CTNND2: variants seen among roughly 807,000 people sequenced by gnomAD.
CTNND2 encodes catenin delta 2.
A neutral mutation model predicts 144.4 loss-of-function variants in CTNND2; 22 were observed. The ratio of observed to expected loss-of-function variants is 0.15; its 90% confidence interval spans 0.11 to 0.22. The LOEUF is 0.22. Among genes scored for constraint, CTNND2 ranks in the 10% least tolerant of loss-of-function variants. The pLI is 1.00. For missense variants in CTNND2, 1,353 were observed against 1,618.8 expected (o/e 0.84, Z 2.82); for synonymous variants, 751 against 695.6 (o/e 1.08, Z -1.25).
At chr5:11,478,588 C>G (rs1006146149) in intron 3 of CTNND2, among the ~76,000 whole-genome samples, 6 of 152,198 alleles carry the variant, frequency 3.9e-5, no homozygotes, top group African/African-American at 1.4e-4. Context: ...CTTTTAAGAT[C>G]TTCTTCAATC....
chr5:11,368,778 A>T (rs1429663252), intron 7 of CTNND2, among the ~76,000 whole-genome samples: 4 of 152,216 alleles, frequency 2.6e-5, no homozygotes, highest in Non-Finnish European at 4.4e-5. Flanking sequence ...GTCTCTAACC[A>T]GTTGGATAAA....
At chr5:11,543,904 C>T (rs1407758197) in intron 3 of CTNND2, among the ~76,000 whole-genome samples, 2 of 152,134 alleles carry the variant, frequency 1.3e-5, no homozygotes, top group East Asian at 3.9e-4. Context: ...GAAGACCATA[C>T]CTTAAACTCT....
intron 12 of CTNND2, among the ~76,000 whole-genome samples, chr5:11,129,176 T>TA (rs376665965): frequency 0.41 from 9,964 of 24,064 alleles, 2,733 homozygotes; most frequent in East Asian, 0.72. Context: ...ATATTATATA[T>TA]TTTATATATA....
intron 1 of CTNND2, among the ~76,000 whole-genome samples, chr5:11,805,811 AG>A (rs1422563962): frequency 4.6e-5 from 7 of 152,180 alleles, no homozygotes; most frequent in Non-Finnish European, 1.5e-5. Flanking sequence ...TCCATACTCA[AG>A]TGGATACTGT....
chr5:11,423,927 TA>T (rs1371129961), intron 3 of CTNND2, among the ~76,000 whole-genome samples: 1 of 152,182 alleles, frequency 6.6e-6, no homozygotes, highest in East Asian at 1.9e-4. Context: ...AGAAGATTTG[TA>T]AAAAATAAGT....
chr5:11,206,233 A>G (rs1050990026), intron 10 of CTNND2, among the ~76,000 whole-genome samples: 1 of 152,198 alleles, frequency 6.6e-6, no homozygotes, highest in African/African-American at 2.4e-5. Context: ...TCTCTTGCTA[A>G]CTGTGAGACG....
At chr5:11,657,570 G>A (rs1344304058) in intron 2 of CTNND2, among the ~76,000 whole-genome samples, 1 of 151,862 alleles carries the variant, frequency 6.6e-6, no homozygotes, top group Non-Finnish European at 1.5e-5. Context: ...TTTATGAGTT[G>A]GCAAAGATTT....
At chr5:11,273,256 T>C (rs968939158) in intron 9 of CTNND2, among the ~76,000 whole-genome samples, 1 of 152,212 alleles carries the variant, frequency 6.6e-6, no homozygotes, top group Non-Finnish European at 1.5e-5. Flanking sequence ...ATAATTGTTA[T>C]AATTATTATT....
intron 1 of CTNND2, among the ~76,000 whole-genome samples, chr5:11,737,117 C>CT (rs1787725714): frequency 6.6e-6 from 1 of 152,154 alleles, no homozygotes; most frequent in Admixed American, 6.5e-5. Flanking sequence ...AATAAGGAAT[C>CT]TGTGTATTTT....
intron 15 of CTNND2, among the ~76,000 whole-genome samples, chr5:11,094,511 C>T (rs1269515574): frequency 9.9e-5 from 14 of 140,822 alleles, no homozygotes; most frequent in African/African-American, 3.7e-4. Flanking sequence ...GATGGAGTCT[C>T]ACTCTGTCAC....
Position 11,385,230 on chromosome 5 carries a change from C to T in CTNND2, c.613-1G>A. On this transcript the variant is annotated splice_acceptor_variant, in intron 6 of 21. Coordinates refer to ENST00000304623, the MANE Select transcript of CTNND2 (RefSeq NM_001332.4). LOFTEE classifies it high-confidence loss of function. ...GGTGGCCGGCGCGGCTGGTCGTGCC[C>T]TGTGCCCGGGAGAGGAGAGAACACG... 1 of 1,058,040 alleles carries T rather than the reference C, an allele frequency of 9.5e-7. No individual in the cohort carries two copies. Among genetic ancestry groups the T allele is most frequent in the Non-Finnish European group, 1.1e-6 (1 of 877,916 alleles). The allele number at this position is 1,058,040 out of a possible 1,614,324, so 65.5% of individuals were successfully genotyped here.
intron 20 of CTNND2, among the ~76,000 whole-genome samples, chr5:10,984,669 T>C (rs1314950485): frequency 2.0e-5 from 3 of 152,000 alleles, no homozygotes; most frequent in Non-Finnish European, 2.9e-5. Flanking sequence ...TCTGCCCTCA[T>C]ATGACCGAGC....
chr5:11,142,225 A>G (rs1267113009), intron 12 of CTNND2, among the ~76,000 whole-genome samples: 1 of 152,252 alleles, frequency 6.6e-6, no homozygotes, highest in Non-Finnish European at 1.5e-5. Flanking sequence ...AAAAGGAGAC[A>G]GAAGGACTAA....
chr5:11,151,082 C>T (rs1757720700), intron 12 of CTNND2, among the ~76,000 whole-genome samples: 1 of 152,222 alleles, frequency 6.6e-6, no homozygotes. Context: ...GCTGTACTAA[C>T]TCACGGGTTG....
Position 11,904,212 on chromosome 5 carries a change from G to A in CTNND2, c.-359C>T, listed in dbSNP as rs1231605718. Among the ~76,000 whole-genome samples, 1 of 145,160 alleles carries A rather than the reference G, an allele frequency of 6.9e-6. No individual in the cohort carries two copies. The highest frequency in any genetic ancestry group is 6.8e-5 in the Admixed American group (1 of 14,682). On this transcript the variant is annotated 5_prime_UTR_variant, in exon 1 of 22. Coordinates refer to ENST00000304623, the MANE Select transcript of CTNND2 (RefSeq NM_001332.4). This position sits in a 1 kb window ranked among gnomAD's most constrained non-coding sequence, Gnocchi z 4.2. The stretch of plus-strand genomic sequence containing the variant: ...GCCGCGCCCGCAGCTCCGCTCAGCC[G>A]GCTGTCGCCGCGGGCGCGAGCCTGG...
chr5:11,427,745 C>G (rs1331618709), intron 3 of CTNND2, among the ~76,000 whole-genome samples: 1 of 152,104 alleles, frequency 6.6e-6, no homozygotes, highest in Non-Finnish European at 1.5e-5. Flanking sequence ...CCTGCCTCTC[C>G]CAGACTTCAT....
chr5:11,462,477 C>T (rs1178383195), intron 3 of CTNND2, among the ~76,000 whole-genome samples: 1 of 151,974 alleles, frequency 6.6e-6, no homozygotes, highest in Non-Finnish European at 1.5e-5. Context: ...AGAGAGGAGT[C>T]CGATAGTGTC....
intron 3 of CTNND2, among the ~76,000 whole-genome samples, chr5:11,457,833 G>A (rs1347447191): frequency 6.6e-6 from 1 of 152,116 alleles, no homozygotes; most frequent in African/African-American, 2.4e-5. Context: ...GACAGCTGTT[G>A]ACTGCAGTCC....
chr5:11,582,558 G>A (rs148705971), intron 2 of CTNND2, among the ~76,000 whole-genome samples: 159 of 152,274 alleles, frequency 1.0e-3, no homozygotes, highest in Middle Eastern at 3.4e-3. Flanking sequence ...TCCCTGTGCC[G>A]AATATTCACC....
Sources: allele counts gnomAD v4.1 joint callset (sites outside exome capture counted in the v4.1 genomes callset), GRCh38; gene constraint gnomAD v4.1.1; non-coding constraint Gnocchi (gnomAD v3.1); transcripts MANE v1.5; gene names NCBI Gene and HGNC (gene_info 2026-07-23, HGNC 2026-07-21).